The following RBFOX1 variants were observed in gnomAD, a reference collection of about 807,000 sequenced individuals.
The protein encoded by RBFOX1 is RNA binding fox-1 homolog 1.
A neutral mutation model predicts 57.7 loss-of-function variants in RBFOX1; 8 were observed. The observed-to-expected ratio is 0.14, with a 90% confidence interval of 0.08 to 0.25. The LOEUF (loss-of-function observed/expected upper bound fraction) is 0.25. Among genes scored for constraint, RBFOX1 ranks in the 10% least tolerant of loss-of-function variants. RBFOX1 has a pLI of 1.00. For missense variants in RBFOX1, 611 were observed against 548.5 expected, an observed-to-expected ratio of 1.11 and a Z score of -1.14; for synonymous variants, 326 against 222.4, an observed-to-expected ratio of 1.47 and a Z score of -4.15.
At chr16:7,099,014 T>C (rs1397774632) in intron 4 of RBFOX1, among the ~76,000 whole-genome samples, 3 of 152,160 alleles carry the variant, frequency 2.0e-5, no homozygotes, top group Admixed American at 2.0e-4. Context: ...GGTGGGTCAG[T>C]GTCCAAACTC....
At chr16:5,586,942 C>T (rs2046851041) in intron 2 of RBFOX1, among the ~76,000 whole-genome samples, 1 of 152,196 alleles carries the variant, frequency 6.6e-6, no homozygotes, top group East Asian at 1.9e-4. Context: ...TTAAATGTTA[C>T]TGGCTGAATT....
rs1467225987 is a variant in RBFOX1, at chr16:5,598,958, C to T, written c.315C>T (p.Asp105=). Reference sequence around the variant, plus strand: ...CCGGTGCCAAGAACAGCCTGCAAGACTCCGTAAGTAGAAGCATTTTGCTGA... The same window carrying T: ...CCGGTGCCAAGAACAGCCTGCAAGATTCCGTAAGTAGAAGCATTTTGCTGA... Residue 105 remains aspartate (D), a synonymous_variant, in exon 3 of 3, where the codon GAC becomes GAT. Transcript: ENST00000585867. 2.4e-5 allele frequency: 37 copies of T among 1,531,430 alleles called. No homozygotes were observed. The East Asian group carries it at 8.8e-4, about 36-fold the overall frequency. The allele number at this position is 1,531,430 out of a possible 1,614,324, so 94.9% of individuals were successfully genotyped here.
Position 5,725,170 on chromosome 16 carries a change from T to C in RBFOX1, c.318+126209T>C, listed in dbSNP as rs1204905568. Among the ~76,000 whole-genome samples the C allele has an allele frequency of 2.7e-4, 41 of 152,208 alleles. 2 individuals are homozygous for C. The highest frequency in any genetic ancestry group is 2.6e-3 in the Admixed American group (40 of 15,284). On this transcript the variant is annotated intron_variant, in intron 3 of 19. Transcript: ENST00000641259. ...CCTGTTGCAGAGGAGGCTAGGCTGT[T>C]GGTTAATGAGCATGCCAAAACAATC...
intron 1 of RBFOX1, among the ~76,000 whole-genome samples, chr16:5,283,741 C>G (rs1477727702): frequency 1.3e-5 from 2 of 152,170 alleles, no homozygotes; most frequent in African/African-American, 4.8e-5. Context: ...CCCATTGTAT[C>G]TAGGAAGTAA....
rs138543183 is a variant in RBFOX1 at position 7,311,428 on chromosome 16, C to T, written c.28-206719C>T. On this transcript the variant is annotated intron_variant, in intron 4 of 15. Transcript: ENST00000550418. ...GTAGGATTTAAGTGACTCCAATTTC[C>T]CAGGCCTGATGAGTAAATGCATAAA... Among the ~76,000 whole-genome samples, 52 of 151,554 alleles carry T rather than the reference C, an allele frequency of 3.4e-4. No individual in the cohort carries two copies. The South Asian group carries it at 9.2e-3, about 27-fold the overall frequency.
intron 5 of RBFOX1, among the ~76,000 whole-genome samples, chr16:7,527,748 A>C (rs557931538): frequency 4.6e-4 from 70 of 152,272 alleles, no homozygotes; most frequent in Non-Finnish European, 9.7e-4. Flanking sequence ...CACAATGACA[A>C]ACACATAGTA....
At chr16:6,462,684 A>G (rs1597594321) in intron 2 of RBFOX1, among the ~76,000 whole-genome samples, 1 of 152,094 alleles carries the variant, frequency 6.6e-6, no homozygotes, top group South Asian at 2.1e-4. Flanking sequence ...AACAAATATT[A>G]CCATGTTTTT....
At chr16:6,610,960 G>T (rs2098040395) in intron 2 of RBFOX1, among the ~76,000 whole-genome samples, 1 of 152,152 alleles carries the variant, frequency 6.6e-6, no homozygotes, top group Non-Finnish European at 1.5e-5. Flanking sequence ...TATACAATCT[G>T]CATTCACTTA....
chr16:6,939,630 AC>A lies in RBFOX1; in HGVS notation c.-15-112425del, dbSNP rs1567981286. ...AAGTTCACTTGATTCTCATGCCTCA[AC>A]CACCTGAGTAGCTGCGATTACAGCC... On this transcript the variant is annotated intron_variant, in intron 3 of 15. Transcript: ENST00000550418. Among the ~76,000 whole-genome samples, 3 of 151,700 alleles carry A rather than the reference AC, an allele frequency of 2.0e-5. No homozygotes were observed. In the East Asian group the frequency reaches 5.8e-4, roughly 29 times the overall value.
intron 4 of RBFOX1, among the ~76,000 whole-genome samples, chr16:7,461,026 G>A (rs1009179573): frequency 3.3e-5 from 5 of 152,188 alleles, no homozygotes; most frequent in Admixed American, 1.3e-4. Context: ...CATGTAGTGA[G>A]TGAGGTCTTT....
intron 3 of RBFOX1, among the ~76,000 whole-genome samples, chr16:6,942,284 AC>A (rs2078677382): frequency 6.6e-6 from 1 of 152,104 alleles, no homozygotes; most frequent in Non-Finnish European, 1.5e-5. Flanking sequence ...CATCTCACAA[AC>A]AAAAAACAAG....
At chr16:6,725,408 C>G (rs1484677817) in intron 3 of RBFOX1, among the ~76,000 whole-genome samples, 1 of 152,070 alleles carries the variant, frequency 6.6e-6, no homozygotes, top group Non-Finnish European at 1.5e-5. Context: ...TGACCTGTAC[C>G]TGGTGCCGAC....
At chr16:6,796,792 C>T (rs1036464959) in intron 3 of RBFOX1, among the ~76,000 whole-genome samples, 1 of 152,238 alleles carries the variant, frequency 6.6e-6, no homozygotes, top group South Asian at 2.1e-4. Flanking sequence ...TCTTCTATGT[C>T]CCTCAGTCAT....
rs556875726 is a variant in RBFOX1, at chr16:5,482,691, G to T, written c.258+15437G>T. ...TAGGGGCATGAGGCAGAGAATGGGG[G>T]TGTGTGTGATCTGTACCTACCATCC... On this transcript the variant is annotated intron_variant, in intron 2 of 2. Coordinates refer to the RBFOX1 transcript ENST00000585867. 3.9e-5 allele frequency among the ~76,000 whole-genome samples: 6 copies of T among 152,298 alleles called. No homozygotes were observed. The South Asian group carries it at 1.2e-3, about 32-fold the overall frequency.
At chr16:6,830,234 G>A (rs191904801) in intron 3 of RBFOX1, among the ~76,000 whole-genome samples, 2 of 152,264 alleles carry the variant, frequency 1.3e-5, no homozygotes, top group East Asian at 3.9e-4. Flanking sequence ...TTTTCTTAAT[G>A]TGTGTGAAGA....
chr16:6,675,116 G>T (rs1335648315), intron 3 of RBFOX1, among the ~76,000 whole-genome samples: 3 of 152,034 alleles, frequency 2.0e-5, no homozygotes, highest in South Asian at 2.1e-4. Flanking sequence ...ATGTTGGCCA[G>T]GATGGTCTCG....
At chr16:5,431,090 A>G (rs1414303003) in intron 1 of RBFOX1, among the ~76,000 whole-genome samples, 1 of 152,190 alleles carries the variant, frequency 6.6e-6, no homozygotes, top group African/African-American at 2.4e-5. Flanking sequence ...GAGCCACCAT[A>G]GAGTGCTGTG....
chr16:7,658,565 G>T (rs777779581), intron 12 of RBFOX1, among the ~76,000 whole-genome samples: 9 of 152,112 alleles, frequency 5.9e-5, no homozygotes, highest in Non-Finnish European at 1.2e-4. Context: ...CATCAAGACA[G>T]CAAGTGGAGG....
At chr16:5,791,726 A>C (rs542280826) in intron 3 of RBFOX1, among the ~76,000 whole-genome samples, 3 of 152,334 alleles carry the variant, frequency 2.0e-5, no homozygotes, top group Non-Finnish European at 2.9e-5. Flanking sequence ...CACACACACA[A>C]AAACCCTCAC....
Sources: allele counts gnomAD v4.1 joint callset (sites outside exome capture counted in the v4.1 genomes callset), GRCh38; gene constraint gnomAD v4.1.1; transcripts MANE v1.5; gene names NCBI Gene and HGNC (gene_info 2026-07-23, HGNC 2026-07-21).